The following BMPR1B variants were observed in gnomAD, a reference collection of about 807,000 sequenced individuals.
BMPR1B encodes bone morphogenetic protein receptor type-1B.
A neutral mutation model predicts 59.1 loss-of-function variants in BMPR1B; 12 were observed. The observed-to-expected ratio is 0.20, with a 90% CI of 0.13 to 0.33. The LOEUF (loss-of-function observed/expected upper bound fraction) is 0.33. Among genes scored for constraint, BMPR1B ranks in the 10% least tolerant of loss-of-function variants. The pLI is 1.00. For missense variants in BMPR1B, 550 were observed against 610.9 expected (o/e 0.90, Z 1.05); for synonymous variants, 237 against 207.3 (o/e 1.14, Z -1.23).
intron 1 of BMPR1B, among the ~76,000 whole-genome samples, chr4:94,814,716 C>T (rs1412962048): frequency 1.3e-5 from 2 of 152,102 alleles, no homozygotes; most frequent in Non-Finnish European, 2.9e-5. Context: ...TGCCATTAAA[C>T]GTTTGCTATG....
chr4:94,856,141 C>A (rs895032048), intron 1 of BMPR1B, among the ~76,000 whole-genome samples: 1 of 152,116 alleles, frequency 6.6e-6, no homozygotes, highest in African/African-American at 2.4e-5. Flanking sequence ...AAAAAGAAAA[C>A]CCAGCTATCC....
chr4:94,847,345 A>G (rs1275768572), intron 1 of BMPR1B, among the ~76,000 whole-genome samples: 1 of 152,238 alleles, frequency 6.6e-6, no homozygotes, highest in Non-Finnish European at 1.5e-5. Context: ...GTATGTGTAA[A>G]TTAGCACAGC....
intron 2 of BMPR1B, among the ~76,000 whole-genome samples, chr4:94,935,693 A>G (rs1729267234): frequency 1.3e-5 from 2 of 152,242 alleles, no homozygotes; most frequent in African/African-American, 4.8e-5. Context: ...GTGATATGGT[A>G]GCCTTTGGGT....
At chr4:94,779,230 A>G (rs539140251) in intron 1 of BMPR1B, among the ~76,000 whole-genome samples, 29 of 152,098 alleles carry the variant, frequency 1.9e-4, no homozygotes, top group South Asian at 8.3e-4. Context: ...TGTATAACCT[A>G]TTGTCCAAAT....
At chr4:95,069,959 C>G (rs1728148743) in intron 3 of BMPR1B, among the ~76,000 whole-genome samples, 1 of 152,078 alleles carries the variant, frequency 6.6e-6, no homozygotes, top group South Asian at 2.1e-4. Flanking sequence ...ATTAGCCGGG[C>G]ATGGTGGCAC....
chr4:94,855,505 G>GCT (rs1460165305), intron 1 of BMPR1B, among the ~76,000 whole-genome samples: 1 of 152,048 alleles, frequency 6.6e-6, no homozygotes, highest in Non-Finnish European at 1.5e-5. Context: ...CTTCAGAAAA[G>GCT]CTCTTCCCAT....
rs1373904348 is a variant in BMPR1B, at chr4:95,158,036, T to G, written c.*3363T>G. The G allele has an allele frequency of 6.6e-6, 1 of 152,236 alleles. No individual in the cohort carries two copies. Among genetic ancestry groups the G allele is most frequent in the Non-Finnish European group, 1.5e-5 (1 of 68,042 alleles). 9.4% of individuals were successfully genotyped at this position (152,236 alleles called of 1,614,324 possible). A position where few individuals can be genotyped will look rare whatever the true frequency, so the allele number is the denominator to read the frequency against. ...GAAGTTTTATGTTGTTGGTCTGATC[T>G]GATTCTTCTTTGTTTGTGGGTGGAA... On this transcript the variant is annotated 3_prime_UTR_variant, in exon 13 of 13. Transcript: ENST00000515059.
chr4:95,124,126 A>G (rs889449569), intron 7 of BMPR1B, among the ~76,000 whole-genome samples: 2 of 152,080 alleles, frequency 1.3e-5, no homozygotes, highest in African/African-American at 4.8e-5. Context: ...AAAACTACCC[A>G]TATAAATATT....
chr4:94,841,556 T>C (rs978128439), intron 1 of BMPR1B, among the ~76,000 whole-genome samples: 1 of 151,174 alleles, frequency 6.6e-6, no homozygotes, highest in African/African-American at 2.4e-5. Flanking sequence ...TTTCTTTGAC[T>C]AGGAAAGGGA....
chr4:94,783,999 G>T (rs994851695), intron 1 of BMPR1B, among the ~76,000 whole-genome samples: 1 of 152,106 alleles, frequency 6.6e-6, no homozygotes, highest in Non-Finnish European at 1.5e-5. Flanking sequence ...GATATGTTAT[G>T]CTCAGAGACC....
chr4:94,806,676 C>T (rs1382319142), intron 1 of BMPR1B, among the ~76,000 whole-genome samples: 1 of 152,180 alleles, frequency 6.6e-6, no homozygotes, highest in Non-Finnish European at 1.5e-5. Flanking sequence ...TGCTTTAATA[C>T]TCCCTTCATT....
intron 1 of BMPR1B, among the ~76,000 whole-genome samples, chr4:94,805,681 A>C (rs1723580689): frequency 6.6e-6 from 1 of 152,146 alleles, no homozygotes; most frequent in Non-Finnish European, 1.5e-5. Flanking sequence ...TCTGATGGGG[A>C]TAGGGGAATT....
intron 3 of BMPR1B, among the ~76,000 whole-genome samples, chr4:95,069,375 T>A (rs1362077612): frequency 6.6e-6 from 1 of 152,228 alleles, no homozygotes; most frequent in Non-Finnish European, 1.5e-5. Flanking sequence ...ACTACTGTTA[T>A]TCTTGCTGGA....
intron 1 of BMPR1B, among the ~76,000 whole-genome samples, chr4:94,871,290 T>C (rs1385961045): frequency 6.6e-6 from 1 of 152,204 alleles, no homozygotes; most frequent in Admixed American, 6.5e-5. Context: ...GTACATCCTT[T>C]GTAAAGTAAG....
chr4:94,967,971 A>G (rs114818829), intron 2 of BMPR1B, among the ~76,000 whole-genome samples: 4,485 of 152,292 alleles, frequency 0.029, 210 homozygotes, highest in African/African-American at 0.1. Flanking sequence ...CATTTTCTTT[A>G]TCTCACTTTG....
chr4:95,083,866 CTA>C (rs1298039899), intron 3 of BMPR1B, among the ~76,000 whole-genome samples: 1 of 152,060 alleles, frequency 6.6e-6, no homozygotes, highest in South Asian at 2.1e-4. Context: ...CAGTATTAAA[CTA>C]TATTTTTATG....
chr4:94,775,732 C>T (rs969777057), intron 1 of BMPR1B, among the ~76,000 whole-genome samples: 7 of 152,144 alleles, frequency 4.6e-5, no homozygotes, highest in African/African-American at 7.2e-5. Context: ...CTGTGTAAAC[C>T]GTGATCCAGT....
chr4:94,860,615 T>A (rs1431936157), intron 1 of BMPR1B, among the ~76,000 whole-genome samples: 1 of 152,232 alleles, frequency 6.6e-6, no homozygotes, highest in Non-Finnish European at 1.5e-5. Context: ...TAAGATTGTC[T>A]ATTTATAAAT....
intron 3 of BMPR1B, among the ~76,000 whole-genome samples, chr4:95,090,743 C>A (rs910908962): frequency 1.3e-5 from 2 of 151,954 alleles, no homozygotes; most frequent in East Asian, 3.9e-4. Flanking sequence ...TCAATATGGA[C>A]TAGTTAGAGG....
Sources: allele counts gnomAD v4.1 joint callset (sites outside exome capture counted in the v4.1 genomes callset), GRCh38; gene constraint gnomAD v4.1.1; transcripts MANE v1.5; gene names NCBI Gene and HGNC (gene_info 2026-07-23, HGNC 2026-07-21).